CA8: variants seen among roughly 807,000 people sequenced by gnomAD.
CA8 encodes carbonic anhydrase-related protein.
Under a neutral mutation model 41.4 loss-of-function variants are expected in CA8, and 22 were observed. That is an observed-to-expected ratio of 0.53 (90% CI 0.38 to 0.76). The LOEUF (loss-of-function observed/expected upper bound fraction) is 0.76. Among genes scored for constraint, CA8 ranks in the 30% least tolerant of loss-of-function variants. CA8 has a pLI of 0.00. For synonymous variants in CA8, 121 were observed against 130.6 expected (o/e 0.93, Z 0.50); for missense variants, 270 against 352.8 (o/e 0.77, Z 1.88).
At chr8:60,278,480 C>G (rs1172313640) in intron 2 of CA8, among the ~76,000 whole-genome samples, 2 of 152,164 alleles carry the variant, frequency 1.3e-5, no homozygotes, top group East Asian at 3.8e-4. Flanking sequence ...CTTTAAATTG[C>G]TTTTTATATG....
intron 4 of CA8, among the ~76,000 whole-genome samples, chr8:60,229,576 C>T (rs916991717): frequency 9.2e-5 from 14 of 152,200 alleles, no homozygotes; most frequent in African/African-American, 2.9e-4. Flanking sequence ...TGGCCTAAGT[C>T]TCTTCACCCG....
intron 3 of CA8, among the ~76,000 whole-genome samples, chr8:60,262,795 A>G (rs1043298402): frequency 5.3e-5 from 8 of 152,276 alleles, no homozygotes; most frequent in African/African-American, 1.9e-4. Context: ...AGATGAGAGC[A>G]TGATAAGCAG....
intron 8 of CA8, among the ~76,000 whole-genome samples, chr8:60,190,957 T>TATATATACACACAC (rs1554573722): frequency 3.8e-5 from 4 of 104,218 alleles, no homozygotes; most frequent in African/African-American, 1.4e-4. Flanking sequence ...TATATATATA[T>TATATATACACACAC]ACACACACAC....
chr8:60,199,530 GAAGGGGTTTT>G (rs1471640220), intron 8 of CA8, among the ~76,000 whole-genome samples: 2 of 152,294 alleles, frequency 1.3e-5, no homozygotes, highest in East Asian at 3.9e-4. Flanking sequence ...CAGAGATTCT[GAAGGGGTTTT>G]AAGAAGCACT....
chr8:60,226,905 C>A lies in CA8; in HGVS notation c.544G>T (p.Val182Leu), dbSNP rs750480778. ...IGKEHVGLKA[V>L]TEILQDIQYK... ...TGAATATCTTGGAGGATTTCAGTCA[C>A]AGCCTTCAAGCCAACATGTTCCTTT... is the stretch of plus-strand genomic sequence containing the variant. Residue 182 changes from valine to leucine, a missense_variant, in exon 5 of 9, where the codon GTG (valine) becomes TTG (leucine). Physicochemically the swap from Val to Leu is conservative, Grantham distance 32. This residue lies in a region of CA8 where 141 missense variants were observed against 191.6 expected (regional missense o/e 0.74). Coordinates refer to ENST00000317995, the MANE Select transcript of CA8 (RefSeq NM_004056.6). 1.0e-5 allele frequency: 16 copies of A among 1,603,940 alleles called. No homozygotes were observed. Among genetic ancestry groups the A allele is most frequent in the Non-Finnish European group, 1.2e-5 (14 of 1,171,056 alleles).
intron 7 of CA8, among the ~76,000 whole-genome samples, chr8:60,219,944 A>AAAAAC (rs1554520119): frequency 7.5e-5 from 5 of 66,454 alleles, no homozygotes; most frequent in African/African-American, 2.0e-4. Context: ...AAAAAAAAAA[A>AAAAAC]AAAAAAAAAC....
At chr8:60,204,854 C>T (rs1214903192) in intron 8 of CA8, among the ~76,000 whole-genome samples, 2 of 152,314 alleles carry the variant, frequency 1.3e-5, no homozygotes, top group East Asian at 3.9e-4. Context: ...CTTTCACCTA[C>T]TTGGTCATTC....
intron 7 of CA8, among the ~76,000 whole-genome samples, chr8:60,220,139 A>T (rs1416856901): frequency 6.6e-6 from 1 of 152,070 alleles, no homozygotes; most frequent in African/African-American, 2.4e-5. Flanking sequence ...CTTGTTCATG[A>T]ATCTTGTTTG....
intron 8 of CA8, among the ~76,000 whole-genome samples, chr8:60,191,701 C>A (rs969595835): frequency 6.6e-6 from 1 of 152,094 alleles, no homozygotes; most frequent in Non-Finnish European, 1.5e-5. Flanking sequence ...GGTCTAGAAG[C>A]ATGTATCCTA....
chr8:60,209,937 C>G (rs1240880396), intron 7 of CA8, among the ~76,000 whole-genome samples: 2 of 152,198 alleles, frequency 1.3e-5, no homozygotes, highest in African/African-American at 2.4e-5. Flanking sequence ...CTGGGGAATA[C>G]TAATGTTTAA....
intron 8 of CA8, among the ~76,000 whole-genome samples, chr8:60,195,222 G>C (rs1480002039): frequency 6.6e-6 from 1 of 152,174 alleles, no homozygotes; most frequent in African/African-American, 2.4e-5. Flanking sequence ...ATCCTAAGAA[G>C]TCTTCTAAAT....
chr8:60,206,202 C>T (rs543675673), intron 8 of CA8, among the ~76,000 whole-genome samples: 1 of 152,260 alleles, frequency 6.6e-6, no homozygotes, highest in East Asian at 1.9e-4. Context: ...AAAGTAAGAA[C>T]ACAAATATAT....
chr8:60,263,409 G>C (rs1386618527), intron 3 of CA8, among the ~76,000 whole-genome samples: 1 of 150,626 alleles, frequency 6.6e-6, no homozygotes, highest in East Asian at 1.9e-4. Flanking sequence ...TGTCTAACAA[G>C]CCAGCCATTT....
At chr8:60,211,141 C>CTGT (rs1806820970) in intron 7 of CA8, among the ~76,000 whole-genome samples, 1 of 152,088 alleles carries the variant, frequency 6.6e-6, no homozygotes, top group Admixed American at 6.5e-5. Flanking sequence ...GTATAACAGA[C>CTGT]ATAATAATAA....
At position 60,267,726 on chromosome 8, in the gene CA8, G is replaced by A. The variant is rs148911813; in HGVS notation, c.293-1677C>T. On this transcript the variant is annotated intron_variant, in intron 2 of 8. Coordinates refer to ENST00000317995, the MANE Select transcript of CA8 (RefSeq NM_004056.6). The stretch of plus-strand genomic sequence containing the variant: ...GAAACCCAAATTTCAGTATCTGTGA[G>A]CATGAACTAAAAAACAATGAATTAT... Among the ~76,000 whole-genome samples the A allele has an allele frequency of 1.3e-3, 201 of 152,246 alleles. 1 individual carries two copies. The highest frequency in any genetic ancestry group is 4.6e-3 in the African/African-American group (190 of 41,556).
Position 60,226,721 on chromosome 8 carries a change from C to T in CA8, c.576+152G>A, listed in dbSNP as rs12549573. The T allele has an allele frequency of 0.91, 569,933 of 625,520 alleles. 260,915 individuals carry two copies. Among genetic ancestry groups the T allele is most frequent in the African/African-American group, 0.96 (51,915 of 53,984 alleles). 38.7% of individuals were successfully genotyped at this position (625,520 alleles called of 1,614,324 possible). ...TGCGCCTTTTCCCTCTGCTTTTTGA[C>T]CTATTTCTTTTCACTGTAATAAACC... On this transcript the variant is annotated intron_variant, in intron 5 of 8. Coordinates refer to ENST00000317995, the MANE Select transcript of CA8 (RefSeq NM_004056.6).
intron 1 of CA8, 48 bp downstream of exon 1, chr8:60,281,000 A>G: frequency 7.1e-7 from 1 of 1,417,840 alleles, no homozygotes. Context: ...TCGGCGAGAC[A>G]CTGACGCCGC....
intron 6 of CA8, 131 bp from the exon 7 acceptor site, chr8:60,222,892 A>G (rs1433653995): frequency 1.4e-6 from 1 of 707,640 alleles, no homozygotes; most frequent in African/African-American, 1.7e-5. Flanking sequence ...TTTTTAAACT[A>G]GAGCCCCACA....
At chr8:60,236,366 C>A (rs947604515) in intron 3 of CA8, among the ~76,000 whole-genome samples, 1 of 152,208 alleles carries the variant, frequency 6.6e-6, no homozygotes, top group African/African-American at 2.4e-5. Flanking sequence ...CCAGCCCCCA[C>A]AACTACATGA....
Sources: allele counts gnomAD v4.1 joint callset (sites outside exome capture counted in the v4.1 genomes callset), GRCh38; gene constraint gnomAD v4.1.1; regional missense constraint gnomAD v4.1.1; transcripts MANE v1.5; gene names NCBI Gene and HGNC (gene_info 2026-07-23, HGNC 2026-07-21).